Variants in RALGPS1 observed in about 807,000 individuals in gnomAD.
RALGPS1 encodes ras-specific guanine nucleotide-releasing factor RalGPS1.
RALGPS1 carries 19 observed loss-of-function variants against 78.8 expected under a neutral mutation model. The ratio of observed to expected loss-of-function variants is 0.24; its 90% CI spans 0.17 to 0.35. The LOEUF (loss-of-function observed/expected upper bound fraction) is 0.35. RALGPS1 is among the 10% of genes least tolerant of loss of function. The pLI is 1.00. For synonymous variants in RALGPS1, 228 were observed against 256.3 expected (o/e 0.89, Z 1.06); for missense variants, 454 against 688.3 (o/e 0.66, Z 3.81).
intron 17 of RALGPS1, 96 bp from the exon 18 acceptor site, chr9:127,214,655 C>T (rs2062471483): frequency 6.6e-7 from 1 of 1,513,072 alleles, no homozygotes; most frequent in Non-Finnish European, 8.8e-7. Flanking sequence ...GACCTTCCCA[C>T]TTTAGTTACC....
chr9:126,946,786 T>C (rs535388557), intron 1 of RALGPS1, among the ~76,000 whole-genome samples: 1 of 152,202 alleles, frequency 6.6e-6, no homozygotes, highest in South Asian at 2.1e-4. Flanking sequence ...TGATGTTCCC[T>C]TTAAGCCCAC....
At chr9:126,996,712 G>T (rs1050071050) in intron 4 of RALGPS1, among the ~76,000 whole-genome samples, 187 of 145,928 alleles carry the variant, frequency 1.3e-3, no homozygotes, top group African/African-American at 4.4e-3. Flanking sequence ...TACCAAAGCC[G>T]GGCAGAGACA....
At chr9:127,164,729 G>A (rs944219201) in intron 8 of RALGPS1, among the ~76,000 whole-genome samples, 1 of 149,880 alleles carries the variant, frequency 6.7e-6, no homozygotes, top group Non-Finnish European at 1.5e-5. Flanking sequence ...TTGTAGAGAC[G>A]GGGTTTTGTC....
intron 10 of RALGPS1, among the ~76,000 whole-genome samples, chr9:127,170,606 TG>T (rs2059522017): frequency 6.6e-6 from 1 of 152,212 alleles, no homozygotes; most frequent in Non-Finnish European, 1.5e-5. Context: ...ACTTAGTTTC[TG>T]GGATAATATT....
intron 1 of RALGPS1, among the ~76,000 whole-genome samples, chr9:126,931,303 A>G (rs2035766140): frequency 6.6e-6 from 1 of 152,238 alleles, no homozygotes; most frequent in Non-Finnish European, 1.5e-5. Context: ...GAAGAGAGGG[A>G]GGATGACTGC....
At chr9:126,940,578 TAC>T (rs2036683809) in intron 1 of RALGPS1, among the ~76,000 whole-genome samples, 1 of 152,004 alleles carries the variant, frequency 6.6e-6, no homozygotes, top group African/African-American at 2.4e-5. Flanking sequence ...TAGCCGGGAC[TAC>T]AAGCCGCCCG....
At chr9:127,217,199 A>C in intron 18 of RALGPS1, 2 of 1,230,100 alleles carry the variant, frequency 1.6e-6, no homozygotes, top group Non-Finnish European at 1.0e-6. Flanking sequence ...CAAGGCTACA[A>C]GTTTTAAGGA....
chr9:126,953,634 A>C (rs2038073455), intron 1 of RALGPS1, among the ~76,000 whole-genome samples: 1 of 152,184 alleles, frequency 6.6e-6, no homozygotes, highest in African/African-American at 2.4e-5. Context: ...TAATGTATAT[A>C]AATCCTTTCA....
chr9:126,935,039 A>G (rs140629257), intron 1 of RALGPS1, among the ~76,000 whole-genome samples: 1 of 152,316 alleles, frequency 6.6e-6, no homozygotes, highest in Non-Finnish European at 1.5e-5. Flanking sequence ...AGTGCAGACC[A>G]TTCTTGCCCC....
chr9:126,926,035 A>G (rs1390656053), intron 1 of RALGPS1, among the ~76,000 whole-genome samples: 1 of 152,208 alleles, frequency 6.6e-6, no homozygotes, highest in East Asian at 1.9e-4. Context: ...TAATGGACAA[A>G]TTATGTAGTT....
chr9:127,170,785 C>T (rs1006539459), intron 10 of RALGPS1, among the ~76,000 whole-genome samples: 5 of 152,234 alleles, frequency 3.3e-5, no homozygotes, highest in African/African-American at 1.2e-4. Flanking sequence ...AGTAACGCCT[C>T]AGCACCTGAT....
intron 8 of RALGPS1, among the ~76,000 whole-genome samples, chr9:127,115,841 C>A (rs952173408): frequency 6.6e-6 from 1 of 152,228 alleles, no homozygotes; most frequent in Admixed American, 6.5e-5. Context: ...GACACCCTCA[C>A]CTTGGAGAAC....
chr9:127,169,805 T>C (rs2059472570), intron 10 of RALGPS1, among the ~76,000 whole-genome samples: 1 of 152,230 alleles, frequency 6.6e-6, no homozygotes, highest in African/African-American at 2.4e-5. Context: ...CAACACTTCC[T>C]TATAAAATAG....
chr9:126,954,181 G>A (rs1360445556), intron 1 of RALGPS1, among the ~76,000 whole-genome samples: 4 of 152,166 alleles, frequency 2.6e-5, no homozygotes, highest in Non-Finnish European at 5.9e-5. Context: ...TTGAATAAAC[G>A]AATGAACTAC....
intron 13 of RALGPS1, 68 bp from the exon 14 acceptor site, chr9:127,198,947 G>T: frequency 1.4e-6 from 2 of 1,425,224 alleles, no homozygotes; most frequent in Non-Finnish European, 9.9e-7. Flanking sequence ...CCTGGGCTCG[G>T]TGACCCAGGA....
chr9:126,971,210 G>A (rs1414482254), intron 3 of RALGPS1, among the ~76,000 whole-genome samples: 1 of 151,634 alleles, frequency 6.6e-6, no homozygotes, highest in African/African-American at 2.4e-5. Context: ...CTGAAAGCAG[G>A]GAACAAAAAG....
At chr9:127,050,836 G>A (rs1487206893) in intron 6 of RALGPS1, among the ~76,000 whole-genome samples, 1 of 152,186 alleles carries the variant, frequency 6.6e-6, no homozygotes, top group Non-Finnish European at 1.5e-5. Flanking sequence ...TTCGCTGCTT[G>A]CTTCATGTGT....
chr9:127,039,495 T>C (rs904667743), intron 5 of RALGPS1, among the ~76,000 whole-genome samples: 2 of 151,494 alleles, frequency 1.3e-5, no homozygotes, highest in Non-Finnish European at 2.9e-5. Flanking sequence ...GGCTGGAGAG[T>C]GGAGGAGTCA....
chr9:127,025,031 G>A (rs181927204), intron 4 of RALGPS1, among the ~76,000 whole-genome samples: 1 of 152,290 alleles, frequency 6.6e-6, no homozygotes, highest in East Asian at 1.9e-4. Flanking sequence ...AACCCCAAAA[G>A]TTCTGTGTGC....
Sources: gnomAD v4.1 joint callset for allele counts (sites outside exome capture counted in the v4.1 genomes callset) on GRCh38, gnomAD v4.1.1 for gene constraint, MANE v1.5 for transcripts, NCBI Gene and HGNC (gene_info 2026-07-23, HGNC 2026-07-21) for gene names.